TTC6: variants seen among roughly 807,000 people sequenced by gnomAD.
The protein encoded by TTC6 is tetratricopeptide repeat domain 6, also known as tetratricopeptide repeat protein 6.
TTC6 carries 172 observed loss-of-function variants against 210.4 expected under a neutral mutation model. That is an observed-to-expected ratio of 0.82 (90% confidence interval 0.72 to 0.93). TTC6 has a LOEUF of 0.93. Among genes scored for constraint, TTC6 ranks in the 40% least tolerant of loss-of-function variants. TTC6 has a pLI of 0.00. For missense variants in TTC6, 2,414 were observed against 2,318.1 expected, an observed-to-expected ratio of 1.04 and a Z score of -0.85; for synonymous variants, 804 against 819.6, an observed-to-expected ratio of 0.98 and a Z score of 0.32.
intron 1 of TTC6, among the ~76,000 whole-genome samples, chr14:37,627,726 C>T (rs971740890): frequency 2.0e-5 from 3 of 152,110 alleles, no homozygotes; most frequent in Non-Finnish European, 4.4e-5. Context: ...GGGTTGGTTC[C>T]AAGTCTTTGC....
chr14:37,830,874 T>G (rs907564036), intron 29 of TTC6, among the ~76,000 whole-genome samples: 28 of 152,172 alleles, frequency 1.8e-4, no homozygotes, highest in Admixed American at 1.8e-3. Context: ...CAATGTGTAA[T>G]GATGAAATCA....
intron 1 of TTC6, among the ~76,000 whole-genome samples, chr14:37,650,141 C>T (rs1164419646): frequency 6.6e-6 from 1 of 152,156 alleles, no homozygotes; most frequent in Non-Finnish European, 1.5e-5. Context: ...TCTTGCATTT[C>T]CATTACCTGG....
chr14:37,755,227 G>GT (rs142300378), intron 14 of TTC6, among the ~76,000 whole-genome samples: 42 of 151,156 alleles, frequency 2.8e-4, no homozygotes, highest in African/African-American at 6.6e-4. Context: ...ACTTTTTGAT[G>GT]TTTTTTTTTC....
At chr14:37,760,619 T>C (rs914633382) in intron 14 of TTC6, among the ~76,000 whole-genome samples, 1 of 152,196 alleles carries the variant, frequency 6.6e-6, no homozygotes, top group African/African-American at 2.4e-5. Context: ...CACCCACAGC[T>C]GCCCCTTTCC....
intron 15 of TTC6, among the ~76,000 whole-genome samples, chr14:37,787,889 C>CTGTGTGTGTGTGTGTG (rs3062823): frequency 3.4e-5 from 5 of 147,316 alleles, no homozygotes; most frequent in African/African-American, 1.3e-4. Flanking sequence ...GTGTGTGTGT[C>CTGTGTGTGTGTGTGTG]TGTGTGTGTG....
intron 1 of TTC6, among the ~76,000 whole-genome samples, chr14:37,645,900 T>G (rs1861019807): frequency 6.6e-6 from 1 of 152,198 alleles, no homozygotes. Context: ...TAAATAATTA[T>G]CGTTTACCTA....
chr14:37,602,238 G>A (rs1299607877), intron 1 of TTC6, among the ~76,000 whole-genome samples: 1 of 152,366 alleles, frequency 6.6e-6, no homozygotes, highest in South Asian at 2.1e-4. Flanking sequence ...ACTACCAGGC[G>A]TTGACCTTAA....
At chr14:37,821,772 C>CTTTTTTTTTTT (rs35078384) in intron 26 of TTC6, among the ~76,000 whole-genome samples, 4 of 69,148 alleles carry the variant, frequency 5.8e-5, no homozygotes, top group African/African-American at 2.7e-4. Flanking sequence ...AAGAGCTAGT[C>CTTTTTTTTTTT]TTTTTTTTTT....
At chr14:37,794,118 T>A (rs1384955591) in intron 17 of TTC6, among the ~76,000 whole-genome samples, 1 of 152,160 alleles carries the variant, frequency 6.6e-6, no homozygotes, top group African/African-American at 2.4e-5. Context: ...TAAGTCAGGA[T>A]TTCCTCAATG....
chr14:37,651,419 ATATATATTTTTTTTTTTT>A (rs1162315154), intron 1 of TTC6, among the ~76,000 whole-genome samples: 6 of 20,712 alleles, frequency 2.9e-4, no homozygotes, highest in African/African-American at 1.3e-3. Flanking sequence ...ATATATATAT[ATATATATTTTTTTTTTTT>A]TTTTTTTTTT....
At chr14:37,761,967 A>T (rs1386987901) in intron 14 of TTC6, among the ~76,000 whole-genome samples, 1 of 152,154 alleles carries the variant, frequency 6.6e-6, no homozygotes, top group Admixed American at 6.5e-5. Context: ...CTCTTTGACC[A>T]ACAATTCCCC....
chr14:37,731,478 CAAG>C (rs2095886036), intron 7 of TTC6, among the ~76,000 whole-genome samples: 1 of 152,150 alleles, frequency 6.6e-6, no homozygotes, highest in South Asian at 2.1e-4. Flanking sequence ...ACAGTTGAAA[CAAG>C]AAGGCAGAAT....
chr14:37,751,028 A>G (rs186100077), intron 12 of TTC6, 25 bp from the exon 15 acceptor site: 1 of 1,472,394 alleles, frequency 6.8e-7, no homozygotes, highest in Non-Finnish European at 9.1e-7. Context: ...ATAACTCCAA[A>G]TTTTATCTTT....
intron 1 of TTC6, among the ~76,000 whole-genome samples, chr14:37,639,669 G>A (rs1246423695): frequency 1.4e-5 from 2 of 146,104 alleles, no homozygotes; most frequent in African/African-American, 2.5e-5. Flanking sequence ...TCAGGAATTC[G>A]AGACCAGCCT....
At chr14:37,621,092 ACACTGCTG>A (rs774088143), upstream of TTC6, among the ~76,000 whole-genome samples, 7 of 152,078 alleles carry the variant, frequency 4.6e-5, no homozygotes, top group African/African-American at 7.2e-5. Flanking sequence ...CCCTTCCTAC[ACACTGCTG>A]TGGCTCAGGT....
intron 5 of TTC6, among the ~76,000 whole-genome samples, chr14:37,705,146 A>G (rs1359018417): frequency 6.6e-6 from 1 of 152,064 alleles, no homozygotes; most frequent in African/African-American, 2.4e-5. Context: ...GCTCCTGCGC[A>G]GTGAGCAATG....
At chr14:37,719,130 TC>T (rs2095857367) in intron 6 of TTC6, among the ~76,000 whole-genome samples, 1 of 152,126 alleles carries the variant, frequency 6.6e-6, no homozygotes, top group African/African-American at 2.4e-5. Context: ...ACTGAAATAA[TC>T]AAGTGTAAAT....
intron 29 of TTC6, among the ~76,000 whole-genome samples, chr14:37,840,036 G>A (rs1005482780): frequency 6.6e-6 from 1 of 152,042 alleles, no homozygotes; most frequent in African/African-American, 2.4e-5. Flanking sequence ...TACCATGCCT[G>A]GTTACTGTAG....
intron 5 of TTC6, 74 bp downstream of exon 7, chr14:37,701,600 G>T (rs957819938): frequency 7.7e-7 from 1 of 1,303,276 alleles, no homozygotes; most frequent in Non-Finnish European, 1.0e-6. Flanking sequence ...TTGAGTTCTA[G>T]ATTTTAAAGA....
Sources: allele counts gnomAD v4.1 joint callset (sites outside exome capture counted in the v4.1 genomes callset), GRCh38; gene constraint gnomAD v4.1.1; transcripts MANE v1.5; gene names NCBI Gene and HGNC (gene_info 2026-07-23, HGNC 2026-07-21).